The following BST1 variants were observed in gnomAD, a reference collection of about 807,000 sequenced individuals.
The protein encoded by BST1 is bone marrow stromal cell antigen 1.
A neutral mutation model predicts 40.6 loss-of-function variants in BST1; 49 were observed. That is an observed-to-expected ratio of 1.21 (90% CI 0.96 to 1.53). The LOEUF is 1.53. Ranked by LOEUF, BST1 falls within the 40% of genes most tolerant of loss-of-function variation. The pLI, the probability that BST1 is intolerant of heterozygous loss-of-function variation, is 0.00. For synonymous variants in BST1, 157 were observed against 159.3 expected, an observed-to-expected ratio of 0.99 and a Z score of 0.11; for missense variants, 423 against 395.9, an observed-to-expected ratio of 1.07 and a Z score of -0.58.
At chr4:15,766,080 C>G in the BST1 span, among the ~76,000 whole-genome samples, 35 of 152,022 alleles carry the variant, frequency 2.3e-4, 1 homozygote, top group African/African-American at 7.5e-4. Flanking sequence ...GCAGTGCCCT[C>G]TAAGCACCAG....
intron 8 of BST1, chr4:15,730,896 C>A: frequency 4.4e-6 from 1 of 228,978 alleles, no homozygotes; most frequent in Admixed American, 5.2e-5. Context: ...TACATTTCTC[C>A]ACAGTGTGCA....
At chr4:15,749,591 C>A in the BST1 span, among the ~76,000 whole-genome samples, 1 of 152,176 alleles carries the variant, frequency 6.6e-6, no homozygotes, top group Non-Finnish European at 1.5e-5. Flanking sequence ...TCAATTAGAA[C>A]TAAAGAGCTT....
chr4:15,715,281 G>C lies in BST1; in HGVS notation c.535-4G>C, dbSNP rs532719144. On this transcript the variant is annotated splice_polypyrimidine_tract_variant and splice_region_variant and intron_variant, in intron 4 of 8. Coordinates refer to ENST00000265016, the MANE Select transcript of BST1 (RefSeq NM_004334.3). The stretch of plus-strand genomic sequence containing the variant: ...TTGCTAAAAATACTTGGTTCTTCTC[G>C]TAGTATTCCAAGGATAGTTCTGGGG... The C allele has an allele frequency of 2.5e-6, 4 of 1,613,598 alleles. No homozygotes were observed. The highest frequency in any genetic ancestry group is 3.4e-6 in the Non-Finnish European group (4 of 1,179,650).
At position 15,703,161 on chromosome 4, in the gene BST1, G is replaced by T. The variant is rs771126935; in HGVS notation, c.17G>T (p.Cys6Phe). The T allele has an allele frequency of 6.4e-7, 1 of 1,571,430 alleles. No homozygotes were observed. Among genetic ancestry groups the T allele is most frequent in the Non-Finnish European group, 8.6e-7 (1 of 1,160,240 alleles). The change falls in exon 1 of 9, where the codon TGC (cysteine) becomes TTC (phenylalanine). Residue 6 changes from cysteine to phenylalanine, a missense_variant. Transcript: ENST00000265016. MAAQG[C>F]AASRLLQLLL... ...AGTTCCCCGATGGCGGCCCAGGGGTGCGCGGCATCGCGGCTGCTCCAGCTG... is the reference window on the plus strand; with the variant it reads ...AGTTCCCCGATGGCGGCCCAGGGGTTCGCGGCATCGCGGCTGCTCCAGCTG...
intron 4 of BST1, among the ~76,000 whole-genome samples, chr4:15,712,630 A>G (rs1293626050): frequency 6.6e-6 from 1 of 152,114 alleles, no homozygotes; most frequent in African/African-American, 2.4e-5. Flanking sequence ...CCCATCTTCT[A>G]CCCTAGATCC....
the BST1 span, among the ~76,000 whole-genome samples, chr4:15,744,767 C>T: frequency 1.9e-3 from 289 of 152,232 alleles, no homozygotes; most frequent in Non-Finnish European, 2.4e-3. Flanking sequence ...TTGTTGCAAG[C>T]CACTTGTTAA....
Position 15,732,214 on chromosome 4 carries a change from G to A in BST1, c.*369G>A, listed in dbSNP as rs1721403588. 2.6e-6 allele frequency: 2 copies of A among 774,674 alleles called. No homozygotes were observed. The highest frequency in any genetic ancestry group is 3.8e-5 in the African/African-American group (2 of 53,072). The allele number at this position is 774,674 out of a possible 1,614,324, so 48.0% of individuals were successfully genotyped here. A position where few individuals can be genotyped will look rare whatever the true frequency, so the allele number is the denominator to read the frequency against. ...ATCTCCAGCAGCACGGACACTGCAT[G>A]CTTGTTGATTGCTTAAGACATATGT... On this transcript the variant is annotated 3_prime_UTR_variant, in exon 9 of 9. Coordinates refer to ENST00000265016, the MANE Select transcript of BST1 (RefSeq NM_004334.3).
At chr4:15,756,694 G>A in the BST1 span, among the ~76,000 whole-genome samples, 3 of 152,136 alleles carry the variant, frequency 2.0e-5, no homozygotes, top group African/African-American at 7.2e-5. Context: ...GGTATGTTGC[G>A]CTGTGGAGAG....
the BST1 span, among the ~76,000 whole-genome samples, chr4:15,762,188 C>CAAAAAAAAAAA: frequency 2.4e-4 from 15 of 61,264 alleles, no homozygotes; most frequent in Admixed American, 4.8e-4. Context: ...GACTCCATCT[C>CAAAAAAAAAAA]AAAAAAAAAA....
chr4:15,715,734 C>T lies in BST1; in HGVS notation c.639C>T (p.Asn213=), dbSNP rs1720477707. The T allele has an allele frequency of 6.2e-7, 1 of 1,600,650 alleles. No homozygotes were observed. Among genetic ancestry groups the T allele is most frequent in the African/African-American group, 1.3e-5 (1 of 74,258 alleles). The change falls in exon 6 of 9, where the codon AAC becomes AAT. Residue 213 remains asparagine (N), a synonymous_variant. Coordinates refer to ENST00000265016, the MANE Select transcript of BST1 (RefSeq NM_004334.3). The part of the protein sequence containing the change: ...KGFFADYEIP[N]LQKEKITRIE... ...TTTTTGCAGATTATGAAATTCCAAA[C>T]CTCCAGAAGGAAAAAATTACACGAA...
the BST1 span, among the ~76,000 whole-genome samples, chr4:15,744,665 T>G: frequency 6.6e-6 from 1 of 152,188 alleles, no homozygotes; most frequent in African/African-American, 2.4e-5. Context: ...TATCATAAGA[T>G]GGACACTGTA....
intron 3 of BST1, among the ~76,000 whole-genome samples, chr4:15,710,404 A>G (rs986867652): frequency 6.6e-6 from 1 of 152,186 alleles, no homozygotes; most frequent in Non-Finnish European, 1.5e-5. Context: ...TAGCATATCA[A>G]TCATCTTAAA....
the BST1 span, among the ~76,000 whole-genome samples, chr4:15,771,287 A>T: frequency 1.9e-4 from 29 of 152,336 alleles, no homozygotes; most frequent in African/African-American, 7.0e-4. Context: ...AATAGAAATT[A>T]AAAAATATTG....
rs147455752 is a variant in BST1 at position 15,704,804 on chromosome 4, G to A, written c.189-711G>A. The A allele has an allele frequency of 2.2e-3, 1,549 of 688,746 alleles. 12 individuals carry two copies. The highest frequency in any genetic ancestry group is 0.019 in the African/African-American group (1,052 of 56,190). The allele number at this position is 688,746 out of a possible 1,614,324, so 42.7% of individuals were successfully genotyped here. A position where few individuals can be genotyped will look rare whatever the true frequency, so the allele number is the denominator to read the frequency against. ...AAATCTGGAGGATTTCTGAAGTTTG[G>A]GTCTTTCTTGCCAGTGCTGCATTTC... On this transcript the variant is annotated intron_variant, in intron 1 of 8. Transcript: ENST00000265016.
Position 15,732,538 on chromosome 4 carries a change from G to A in BST1, c.*693G>A, listed in dbSNP as rs573753379. The stretch of plus-strand genomic sequence containing the variant: ...TCACCATGTTGGCCAGGCTAGTCTC[G>A]AATTCCTGACCTCAGGTGATCCACC... On this transcript the variant is annotated 3_prime_UTR_variant, in exon 9 of 9. Transcript: ENST00000265016. The A allele has an allele frequency of 2.0e-5, 3 of 152,200 alleles. No homozygotes were observed. Among genetic ancestry groups the A allele is most frequent in the South Asian group, 2.1e-4 (1 of 4,816 alleles). 9.4% of individuals were successfully genotyped at this position (152,200 alleles called of 1,614,324 possible). A position where few individuals can be genotyped will look rare whatever the true frequency, so the allele number is the denominator to read the frequency against.
chr4:15,768,116 C>T, the BST1 span, among the ~76,000 whole-genome samples: 213 of 152,288 alleles, frequency 1.4e-3, 2 homozygotes, highest in African/African-American at 4.7e-3. Flanking sequence ...GGACCTGACC[C>T]CCAATAATTG....
downstream of BST1, among the ~76,000 whole-genome samples, chr4:15,738,728 C>G (rs1721657823): frequency 1.3e-5 from 2 of 152,342 alleles, no homozygotes; most frequent in South Asian, 2.1e-4. Flanking sequence ...TATGGCCACC[C>G]TGGTAAGCTA....
At chr4:15,756,536 T>C in the BST1 span, among the ~76,000 whole-genome samples, 2 of 152,142 alleles carry the variant, frequency 1.3e-5, no homozygotes, top group African/African-American at 4.8e-5. Context: ...TGAGAGTGTG[T>C]TTGATAGGTT....
chr4:15,739,581 GTGTGTGTGTGTGTA>G (rs1056384044), downstream of BST1, among the ~76,000 whole-genome samples: 1 of 149,900 alleles, frequency 6.7e-6, no homozygotes, highest in African/African-American at 2.5e-5. Context: ...GTGTGTGTGT[GTGTGTGTGTGTGTA>G]TTTCTCCCCT....
Sources: gnomAD v4.1 joint callset for allele counts (sites outside exome capture counted in the v4.1 genomes callset) on GRCh38, gnomAD v4.1.1 for gene constraint, MANE v1.5 for transcripts, NCBI Gene and HGNC (gene_info 2026-07-23, HGNC 2026-07-21) for gene names.